RXRA: variants seen among roughly 807,000 people sequenced by gnomAD.
RXRA encodes retinoid X receptor alpha.
RXRA carries 5 observed loss-of-function variants against 44.5 expected under a neutral mutation model. The observed-to-expected ratio is 0.11, with a 90% CI of 0.06 to 0.24. The LOEUF is 0.24. Among genes scored for constraint, RXRA ranks in the 10% least tolerant of loss-of-function variants. The probability of loss-of-function intolerance (pLI) is 1.00; values close to 1 mark genes in which losing one functional copy is unlikely to be tolerated. For synonymous variants in RXRA, 291 were observed against 271.4 expected (o/e 1.07, Z -0.71); for missense variants, 412 against 646.5 (o/e 0.64, Z 3.93).
intron 4 of RXRA, among the ~76,000 whole-genome samples, chr9:134,409,990 C>A (rs1051891401): frequency 1.3e-5 from 2 of 152,170 alleles, no homozygotes; most frequent in Non-Finnish European, 2.9e-5. Context: ...TCCCCGCCAG[C>A]CCCTGGTGGG....
At chr9:134,336,864 G>A (rs1187146886) in intron 1 of RXRA, among the ~76,000 whole-genome samples, 1 of 152,170 alleles carries the variant, frequency 6.6e-6, no homozygotes, top group Non-Finnish European at 1.5e-5. Context: ...AATCCCCCTC[G>A]TTCTGGAGGC....
intron 2 of RXRA, chr9:134,402,147 C>T (rs35113416): frequency 3.9e-4 from 203 of 522,246 alleles, no homozygotes; most frequent in African/African-American, 2.7e-3. Flanking sequence ...CTTCCCATGC[C>T]GGAGGGCTCG....
intron 6 of RXRA, chr9:134,424,893 C>T (rs1051051800): frequency 1.1e-5 from 11 of 985,360 alleles, no homozygotes; most frequent in Non-Finnish European, 1.3e-5. Context: ...AGGTGAGGCC[C>T]CGCCCAGCTC....
At chr9:134,400,757 C>G (rs1830946152) in intron 1 of RXRA, among the ~76,000 whole-genome samples, 1 of 152,146 alleles carries the variant, frequency 6.6e-6, no homozygotes, top group African/African-American at 2.4e-5. Flanking sequence ...TGTGGGAGGT[C>G]CCAGCCTCTC....
chr9:134,367,086 T>G (rs1830423555), intron 1 of RXRA, among the ~76,000 whole-genome samples: 1 of 152,110 alleles, frequency 6.6e-6, no homozygotes, highest in African/African-American at 2.4e-5. Flanking sequence ...TGCAGTTCAG[T>G]GGGTTTTCAT....
At chr9:134,377,605 T>C in intron 1 of RXRA, among the ~76,000 whole-genome samples, 1 of 152,208 alleles carries the variant, frequency 6.6e-6, no homozygotes, top group Non-Finnish European at 1.5e-5. Flanking sequence ...TTTTCCCAAC[T>C]TCCCTCTCCG....
chr9:134,423,351 G>A lies in RXRA; in HGVS notation c.910+1546G>A, dbSNP rs967957007. ...CCCAGCTGCCTAGAGGCCCGCTACC[G>A]CACTGTGGGCTCCGCCGCCTCAGCC... On this transcript the variant is annotated intron_variant, in intron 6 of 9. Transcript: ENST00000481739. The A allele has an allele frequency of 6.1e-6, 6 of 985,342 alleles. No homozygotes were observed. The Admixed American group carries it at 1.8e-4, about 30-fold the overall frequency. 61.0% of individuals were successfully genotyped at this position (985,342 alleles called of 1,614,324 possible).
chr9:134,371,877 C>G (rs1051690958), intron 1 of RXRA: 3 of 152,448 alleles, frequency 2.0e-5, no homozygotes, highest in African/African-American at 7.2e-5. Context: ...GCTTCCTGGG[C>G]GCTGCTGCGT....
At chr9:134,421,613 CTG>C (rs1278556607) in intron 5 of RXRA, 61 bp from the exon 6 acceptor site, 2 of 1,511,002 alleles carry the variant, frequency 1.3e-6, no homozygotes, top group South Asian at 1.3e-5. Context: ...CTGGTCTGGG[CTG>C]TGTTTGGTCA....
At chr9:134,413,337 G>A (rs1831180482) in intron 4 of RXRA, among the ~76,000 whole-genome samples, 1 of 151,926 alleles carries the variant, frequency 6.6e-6, no homozygotes, top group African/African-American at 2.4e-5. Context: ...TGGTATGTGT[G>A]GTGTGGTATG....
intron 1 of RXRA, among the ~76,000 whole-genome samples, chr9:134,350,411 C>T (rs2119042010): frequency 6.6e-6 from 1 of 152,334 alleles, no homozygotes; most frequent in South Asian, 2.1e-4. Flanking sequence ...GGTGGTGGCT[C>T]AGAGCTGGAC....
Position 134,426,267 on chromosome 9 carries a change from G to GC in RXRA, c.911-2836dup. On this transcript the variant is annotated intron_variant, in intron 6 of 9. Coordinates refer to ENST00000481739, the MANE Select transcript of RXRA (RefSeq NM_002957.6). The surrounding 1 kb of genome is among the most constrained non-coding windows in gnomAD (Gnocchi z 4.6). ...CCGTTTAAAGCTGTGTCCGTGCCGGGCCCCCACATCACAGGGCCAGGAGCC... is the reference window on the plus strand; with the variant it reads ...CCGTTTAAAGCTGTGTCCGTGCCGGGCCCCCCACATCACAGGGCCAGGAGCC... The GC allele has an allele frequency of 1.0e-6, 1 of 985,450 alleles. No individual in the cohort carries two copies. Among genetic ancestry groups the GC allele is most frequent in the Non-Finnish European group, 1.2e-6 (1 of 829,932 alleles). The allele number at this position is 985,450 out of a possible 1,614,324, so 61.0% of individuals were successfully genotyped here. A position where few individuals can be genotyped will look rare whatever the true frequency, so the allele number is the denominator to read the frequency against.
At position 134,417,022 on chromosome 9, in the gene RXRA, A is replaced by G; in HGVS notation, c.611-136A>G. ...GGCCTGGGGCAGAGATGGGGTCTCC[A>G]TCACCCAGTGCTGGTGGGGATGCTG... On this transcript the variant is annotated intron_variant, in intron 4 of 9. Coordinates refer to ENST00000481739, the MANE Select transcript of RXRA (RefSeq NM_002957.6). This position sits in a 1 kb window ranked among gnomAD's most constrained non-coding sequence, Gnocchi z 6.1. 3 of 896,524 alleles carry G rather than the reference A, an allele frequency of 3.3e-6. No individual in the cohort carries two copies. Among genetic ancestry groups the G allele is most frequent in the African/African-American group, 1.7e-5 (1 of 60,330 alleles). The allele number at this position is 896,524 out of a possible 1,614,324, so 55.5% of individuals were successfully genotyped here.
chr9:134,414,967 G>A (rs948605995), intron 4 of RXRA, among the ~76,000 whole-genome samples: 4 of 152,176 alleles, frequency 2.6e-5, no homozygotes, highest in Non-Finnish European at 4.4e-5. Context: ...GGGGCTGACC[G>A]GAGCCTTCTG....
intron 2 of RXRA, 69 bp from the exon 3 acceptor site, chr9:134,408,080 C>T (rs956412082): frequency 8.2e-7 from 1 of 1,225,008 alleles, no homozygotes; most frequent in Non-Finnish European, 1.1e-6. Context: ...ATCCTTGCTG[C>T]AGGGCCGTGG....
chr9:134,368,936 TTATG>T (rs1358687208), intron 1 of RXRA, among the ~76,000 whole-genome samples: 5 of 83,920 alleles, frequency 6.0e-5, no homozygotes, highest in African/African-American at 1.6e-4. Context: ...AGTGCGGGGG[TTATG>T]TATGTGTGTG....
chr9:134,358,141 C>T (rs546026986), intron 1 of RXRA, among the ~76,000 whole-genome samples: 2 of 152,218 alleles, frequency 1.3e-5, no homozygotes, highest in Non-Finnish European at 2.9e-5. Context: ...ACCCAGGCCC[C>T]GGCCACCTGC....
chr9:134,353,585 C>CT (rs1332859624), intron 1 of RXRA, among the ~76,000 whole-genome samples: 2 of 152,238 alleles, frequency 1.3e-5, no homozygotes, highest in African/African-American at 4.8e-5. Context: ...CCACGAGCCC[C>CT]TGTACCTCCA....
intron 6 of RXRA, chr9:134,423,453 T>G (rs1588304736): frequency 2.0e-6 from 2 of 985,324 alleles, no homozygotes; most frequent in Non-Finnish European, 2.4e-6. Flanking sequence ...ACGGGCTCCC[T>G]GTGAAGCAGG....
Sources: allele counts gnomAD v4.1 joint callset (sites outside exome capture counted in the v4.1 genomes callset), GRCh38; gene constraint gnomAD v4.1.1; non-coding constraint Gnocchi (gnomAD v3.1); transcripts MANE v1.5; gene names NCBI Gene and HGNC (gene_info 2026-07-23, HGNC 2026-07-21).